SCFD1: variants seen among roughly 807,000 people sequenced by gnomAD.
SCFD1 encodes sec1 family domain-containing protein 1.
Under a neutral mutation model 103.2 loss-of-function variants are expected in SCFD1, and 37 were observed. The observed-to-expected ratio is 0.36, with a 90% CI of 0.28 to 0.47. The LOEUF is 0.47. Ranked by LOEUF, SCFD1 falls within the 20% of genes least tolerant of loss-of-function variation. The pLI, the probability that SCFD1 is intolerant of heterozygous loss-of-function variation, is 1.00. For missense variants in SCFD1, 639 were observed against 761.2 expected (o/e 0.84, Z 1.89); for synonymous variants, 264 against 245.0 (o/e 1.08, Z -0.73).
chr14:30,734,499 C>T, intron 23 of SCFD1: 1 of 350,998 alleles, frequency 2.8e-6, no homozygotes, highest in Non-Finnish European at 5.4e-6. Context: ...GTAACTGTTG[C>T]TCCTGTGAAA....
In SCFD1 at chr14:30,702,285, TC is replaced by T. The variant is rs1891133129; in HGVS notation, c.1411-10del. 6.4e-7 allele frequency: 1 copy of T among 1,568,894 alleles called. No homozygotes were observed. Among genetic ancestry groups the T allele is most frequent in the African/African-American group, 1.4e-5 (1 of 72,748 alleles). On this transcript the variant is annotated splice_polypyrimidine_tract_variant and intron_variant, in intron 16 of 24. Transcript: ENST00000458591. ...AAAATTTTTTGTCATATAGTTCTTT[TC>T]TTATTTCAGGCTGATTTGGAGCAAT... is the stretch of plus-strand genomic sequence containing the variant.
chr14:30,692,663 G>A (rs1343809833), intron 14 of SCFD1, among the ~76,000 whole-genome samples: 1 of 152,192 alleles, frequency 6.6e-6, no homozygotes, highest in African/African-American at 2.4e-5. Context: ...GATGTGACTA[G>A]CGGAAACTGA....
chr14:30,646,021 G>A (rs1453970595), intron 7 of SCFD1, among the ~76,000 whole-genome samples: 3 of 151,610 alleles, frequency 2.0e-5, no homozygotes, highest in Non-Finnish European at 4.4e-5. Context: ...GGGTTTTTTT[G>A]TGTGTTTTTT....
chr14:30,625,611 GTATACCTATA>G (rs1883321432), intron 1 of SCFD1, among the ~76,000 whole-genome samples: 5 of 68,242 alleles, frequency 7.3e-5, no homozygotes, highest in East Asian at 1.3e-3. Flanking sequence ...ATAGGTATAG[GTATACCTATA>G]TAGGTATAGG....
At chr14:30,711,546 A>T (rs1594748699) in intron 19 of SCFD1, among the ~76,000 whole-genome samples, 1 of 152,188 alleles carries the variant, frequency 6.6e-6, no homozygotes, top group East Asian at 1.9e-4. Context: ...TAATTTATAC[A>T]ACAGTGACTG....
chr14:30,732,345 C>T (rs1301812752), intron 23 of SCFD1, among the ~76,000 whole-genome samples: 1 of 152,190 alleles, frequency 6.6e-6, no homozygotes, highest in Admixed American at 6.5e-5. Flanking sequence ...CAAGAGCAGA[C>T]ATCCTTGTCT....
intron 14 of SCFD1, chr14:30,683,632 G>A: frequency 3.8e-6 from 1 of 260,070 alleles, no homozygotes; most frequent in Non-Finnish European, 7.5e-6. Flanking sequence ...GAACTCGGGA[G>A]AGCTCATGAC....
chr14:30,722,383 G>A, intron 22 of SCFD1, 111 bp from the exon 23 acceptor site: 1 of 652,548 alleles, frequency 1.5e-6, no homozygotes, highest in Middle Eastern at 3.7e-4. Flanking sequence ...AATTAAAATA[G>A]CATCAGGGGC....
intron 7 of SCFD1, among the ~76,000 whole-genome samples, chr14:30,648,385 T>C (rs2139089502): frequency 6.6e-6 from 1 of 152,354 alleles, no homozygotes; most frequent in East Asian, 1.9e-4. Context: ...GTTTGTCTTA[T>C]GAGACTTTCA....
chr14:30,710,761 G>A (rs1310917351), intron 19 of SCFD1, among the ~76,000 whole-genome samples: 4 of 152,126 alleles, frequency 2.6e-5, no homozygotes, highest in African/African-American at 9.7e-5. Context: ...TATGGTGGGA[G>A]GTCTTGGGCA....
chr14:30,639,791 T>C lies in SCFD1; in HGVS notation c.450T>C (p.Tyr150=). The change falls in exon 6 of 25, where the codon TAT becomes TAC. Residue 150 remains tyrosine (Y), a synonymous_variant. Transcript: ENST00000458591. The part of the protein sequence containing the change: ...VTQVAKVFDQ[Y]LNFITLEDDM... Reference sequence around the variant, plus strand: ...TTTGTTTCTAGGTTTTTGACCAATATCTCAATTTTATTACTTTGGAAGATG... The same window carrying C: ...TTTGTTTCTAGGTTTTTGACCAATACCTCAATTTTATTACTTTGGAAGATG... The C allele has an allele frequency of 6.3e-7, 1 of 1,578,374 alleles. No individual in the cohort carries two copies. Among genetic ancestry groups the C allele is most frequent in the Non-Finnish European group, 8.6e-7 (1 of 1,162,252 alleles).
At chr14:30,646,835 C>T (rs892227400) in intron 7 of SCFD1, among the ~76,000 whole-genome samples, 2 of 152,050 alleles carry the variant, frequency 1.3e-5, no homozygotes, top group Admixed American at 1.3e-4. Flanking sequence ...CCTTGTTAAA[C>T]CTTGGCAGGT....
chr14:30,719,927 C>G (rs73254570), intron 21 of SCFD1, among the ~76,000 whole-genome samples: 1 of 128,230 alleles, frequency 7.8e-6, no homozygotes, highest in African/African-American at 3.0e-5. Flanking sequence ...AAATAGCCTA[C>G]AAGATACAGA....
chr14:30,665,651 A>T (rs230357), intron 10 of SCFD1, among the ~76,000 whole-genome samples: 14,985 of 152,070 alleles, frequency 0.099, 1,408 homozygotes, highest in African/African-American at 0.24. Flanking sequence ...GAGACCCATC[A>T]CATGTGCAGA....
intron 23 of SCFD1, among the ~76,000 whole-genome samples, chr14:30,725,673 T>A (rs1188414419): frequency 6.6e-6 from 1 of 152,180 alleles, no homozygotes; most frequent in African/African-American, 2.4e-5. Flanking sequence ...TTGGATATCT[T>A]TTTTCTTTCT....
chr14:30,632,101 A>G (rs751455370), intron 3 of SCFD1, among the ~76,000 whole-genome samples: 5 of 150,736 alleles, frequency 3.3e-5, no homozygotes, highest in Non-Finnish European at 7.4e-5. Flanking sequence ...GTGTTCATGG[A>G]TAGATACTAA....
chr14:30,649,436 A>G (rs1366058691), intron 7 of SCFD1, 92 bp from the exon 8 acceptor site: 3 of 770,224 alleles, frequency 3.9e-6, no homozygotes, highest in Admixed American at 2.8e-5. Flanking sequence ...GTATGTATCT[A>G]TCACATCTGT....
At chr14:30,625,362 C>A (rs1356256245) in intron 1 of SCFD1, among the ~76,000 whole-genome samples, 1 of 152,092 alleles carries the variant, frequency 6.6e-6, no homozygotes, top group Non-Finnish European at 1.5e-5. Flanking sequence ...GGTTGAGCAT[C>A]CCAAATTTCA....
rs111809954 is a variant in SCFD1, at chr14:30,643,356, T to C, written c.564T>C (p.Thr188=). 7.4e-6 allele frequency: 12 copies of C among 1,613,834 alleles called. No individual in the cohort carries two copies. In the African/African-American group the frequency reaches 8.0e-5, roughly 11 times the overall value. ...ATATCACAGACACGGAAATGGAAACTGTTATGGACACTATAGTTGACAGCC... is the reference window on the plus strand; with the variant it reads ...ATATCACAGACACGGAAATGGAAACCGTTATGGACACTATAGTTGACAGCC... The part of the protein sequence containing the change: ...RPDITDTEME[T]VMDTIVDSLF... The change falls in exon 7 of 25, where the codon ACT becomes ACC. Residue 188 remains threonine (T), a synonymous_variant. Transcript: ENST00000458591.
Sources: allele counts gnomAD v4.1 joint callset (sites outside exome capture counted in the v4.1 genomes callset), GRCh38; gene constraint gnomAD v4.1.1; transcripts MANE v1.5; gene names NCBI Gene and HGNC (gene_info 2026-07-23, HGNC 2026-07-21).